Variants in KIAA0586 observed in about 807,000 individuals in gnomAD.
KIAA0586 encodes KIAA0586, also known as protein TALPID3.
KIAA0586 carries 144 observed loss-of-function variants against 169.8 expected under a neutral mutation model. That is an observed-to-expected ratio of 0.85 (90% confidence interval 0.74 to 0.97). The LOEUF (loss-of-function observed/expected upper bound fraction) is 0.97. Among genes scored for constraint, KIAA0586 ranks in the 50% least tolerant of loss-of-function variants. KIAA0586 has a pLI of 0.00. For missense variants in KIAA0586, 1,854 were observed against 1,823.0 expected (o/e 1.02, Z -0.31); for synonymous variants, 625 against 612.4 (o/e 1.02, Z -0.30).
At chr14:58,452,216 A>G (rs1401815637) in intron 8 of KIAA0586, among the ~76,000 whole-genome samples, 1 of 152,278 alleles carries the variant, frequency 6.6e-6, no homozygotes, top group East Asian at 1.9e-4. Context: ...AAAATCGCAC[A>G]AATCACCAAT....
chr14:58,477,000 C>T, intron 19 of KIAA0586, 123 bp from the exon 20 acceptor site: 1 of 561,074 alleles, frequency 1.8e-6, no homozygotes, highest in South Asian at 2.6e-5. Context: ...AGAATGACTG[C>T]TTTCACACCA....
chr14:58,522,710 G>A (rs2045309261), intron 29 of KIAA0586, among the ~76,000 whole-genome samples: 1 of 152,164 alleles, frequency 6.6e-6, no homozygotes, highest in Non-Finnish European at 1.5e-5. Flanking sequence ...CTGCATCTCA[G>A]AAATAATTTG....
intron 19 of KIAA0586, among the ~76,000 whole-genome samples, chr14:58,475,593 C>T (rs999091007): frequency 1.3e-5 from 2 of 151,928 alleles, no homozygotes; most frequent in Non-Finnish European, 2.9e-5. Context: ...TAACTTGTTA[C>T]ATATGAATAT....
At chr14:58,511,221 AC>A (rs965076059) in intron 28 of KIAA0586, among the ~76,000 whole-genome samples, 1 of 152,204 alleles carries the variant, frequency 6.6e-6, no homozygotes, top group African/African-American at 2.4e-5. Context: ...ATAAAGTGTT[AC>A]CAGAAGAAAG....
chr14:58,556,695 TGTAA>T, the KIAA0586 span, among the ~76,000 whole-genome samples: 28 of 152,362 alleles, frequency 1.8e-4, no homozygotes, highest in African/African-American at 6.7e-4. Flanking sequence ...TAGTTTCTTT[TGTAA>T]GTATAATATC....
At chr14:58,501,764 C>T (rs1295187633) in intron 27 of KIAA0586, among the ~76,000 whole-genome samples, 1 of 152,164 alleles carries the variant, frequency 6.6e-6, no homozygotes, top group East Asian at 1.9e-4. Context: ...ACTTAATGTT[C>T]CTGAACCCAA....
At chr14:58,518,409 T>C (rs759226104) in intron 29 of KIAA0586, among the ~76,000 whole-genome samples, 42 of 152,226 alleles carry the variant, frequency 2.8e-4, no homozygotes, top group Non-Finnish European at 4.9e-4. Context: ...GAAACATTTA[T>C]GTTTTATAAT....
chr14:58,476,076 C>G (rs1358542682), intron 19 of KIAA0586, among the ~76,000 whole-genome samples: 2 of 152,008 alleles, frequency 1.3e-5, no homozygotes, highest in Non-Finnish European at 2.9e-5. Context: ...CCAGACTGGG[C>G]GAAAGAGTGA....
At chr14:58,462,393 A>G (rs1231318986) in intron 14 of KIAA0586, among the ~76,000 whole-genome samples, 1 of 151,862 alleles carries the variant, frequency 6.6e-6, no homozygotes, top group African/African-American at 2.4e-5. Flanking sequence ...GATTACAGGC[A>G]TGCGCCACAA....
chr14:58,434,809 C>A (rs756785649), intron 4 of KIAA0586, among the ~76,000 whole-genome samples: 1 of 152,094 alleles, frequency 6.6e-6, no homozygotes, highest in Non-Finnish European at 1.5e-5. Flanking sequence ...CTCGCTCTGT[C>A]ACCCAGGCTG....
At position 58,488,016 on chromosome 14, in the gene KIAA0586, G is replaced by A. The variant is rs778681767; in HGVS notation, c.3434G>A (p.Ser1145Asn). Residue 1145 changes from serine to asparagine, a missense_variant, in exon 23 of 31, where the codon AGC becomes AAC. By Grantham distance (46) the Ser-to-Asn change is conservative. Coordinates refer to ENST00000652326, the MANE Select transcript of KIAA0586 (RefSeq NM_001329943.3). ...DISIDKLKVSSPELPKPWGDG... is the reference protein window; with the variant it reads ...DISIDKLKVSNPELPKPWGDG... The stretch of plus-strand genomic sequence containing the variant: ...TCCATTGATAAATTGAAGGTATCAA[G>A]CCCAGAGCTTCCCAAGCCATGGGGT... The A allele has an allele frequency of 8.7e-6, 14 of 1,611,082 alleles. No individual in the cohort carries two copies. Among genetic ancestry groups the A allele is most frequent in the Non-Finnish European group, 1.2e-5 (14 of 1,178,676 alleles).
downstream of KIAA0586, among the ~76,000 whole-genome samples, chr14:58,551,969 A>G (rs12589675): frequency 5.5e-4 from 84 of 152,212 alleles, 1 homozygote; most frequent in East Asian, 0.015. Context: ...AACAAACATG[A>G]AGTATGAAGG....
At position 58,460,018 on chromosome 14, in the gene KIAA0586, A is replaced by G; in HGVS notation, c.1832A>G (p.Asn611Ser). Reference protein sequence around the residue: ...SQKQIEEHFRNLPMRGMPASS... With the variant: ...SQKQIEEHFRSLPMRGMPASS... The stretch of plus-strand genomic sequence containing the variant: ...AAGCAAATAGAAGAGCATTTTAGAA[A>G]TCTACCTATGAGGGGCATGCCTGCT... Residue 611 changes from asparagine (N) to serine (S), a missense_variant, in exon 13 of 31, where the codon AAT (asparagine) becomes AGT (serine). Coordinates refer to ENST00000652326, the MANE Select transcript of KIAA0586 (RefSeq NM_001329943.3). 2 of 1,534,650 alleles carry G rather than the reference A, an allele frequency of 1.3e-6. No individual in the cohort carries two copies. Among genetic ancestry groups the G allele is most frequent in the South Asian group, 1.2e-5 (1 of 83,954 alleles).
rs1166440101 is a variant in KIAA0586 at position 58,549,279 on chromosome 14, C to T, written c.*1347C>T. On this transcript the variant is annotated 3_prime_UTR_variant, in exon 31 of 31. Transcript: ENST00000652326. ...CTGGGAGCTTTAAAAAATACTAATG[C>T]CTGGGCCTTGTACCAAGGGATTTCA... The T allele has an allele frequency of 6.6e-6, 1 of 151,762 alleles. No individual in the cohort carries two copies. The highest frequency in any genetic ancestry group is 1.5e-5 in the Non-Finnish European group (1 of 67,992). The allele number at this position is 151,762 out of a possible 1,614,324, so 9.4% of individuals were successfully genotyped here.
rs767508280 is a variant in KIAA0586, at chr14:58,474,697, C to G, written c.2725C>G (p.Pro909Ala). The G allele has an allele frequency of 1.9e-6, 3 of 1,612,936 alleles. No individual in the cohort carries two copies. In the African/African-American group the frequency reaches 4.0e-5, roughly 22 times the overall value. The change falls in exon 19 of 31, where the codon CCT (proline) becomes GCT (alanine). Residue 909 changes from proline to alanine, a missense_variant. Transcript: ENST00000652326. ...AGCTGATTCTACAAAATATAATGGT[C>G]CTCCATTTCCGCCAGTTGCTTCTAC... The part of the protein sequence containing the change: ...VKADSTKYNG[P>A]PFPPVASTFQ...
chr14:58,518,142 A>C (rs2044898262), intron 29 of KIAA0586, among the ~76,000 whole-genome samples: 1 of 152,176 alleles, frequency 6.6e-6, no homozygotes, highest in African/African-American at 2.4e-5. Flanking sequence ...AGTTTATGAC[A>C]CTTTTGCTTA....
chr14:58,544,744 A>G (rs2046877419), intron 30 of KIAA0586, among the ~76,000 whole-genome samples: 1 of 152,200 alleles, frequency 6.6e-6, no homozygotes, highest in African/African-American at 2.4e-5. Flanking sequence ...GATGCTGGAT[A>G]TTAGACCGTA....
At chr14:58,492,903 G>A (rs1191258555) in intron 26 of KIAA0586, among the ~76,000 whole-genome samples, 1 of 152,196 alleles carries the variant, frequency 6.6e-6, no homozygotes, top group African/African-American at 2.4e-5. Context: ...TCTCTGTGTG[G>A]CTAGAACTTT....
chr14:58,458,383 G>C, intron 11 of KIAA0586, 90 bp from the exon 12 acceptor site: 2 of 697,574 alleles, frequency 2.9e-6, no homozygotes, highest in South Asian at 3.8e-5. Flanking sequence ...AGGATAGCAG[G>C]TTCACAACTA....
Sources: gnomAD v4.1 joint callset for allele counts (sites outside exome capture counted in the v4.1 genomes callset) on GRCh38, gnomAD v4.1.1 for gene constraint, MANE v1.5 for transcripts, NCBI Gene and HGNC (gene_info 2026-07-23, HGNC 2026-07-21) for gene names.